The following PCDH11X variants were observed in gnomAD, a reference collection of about 807,000 sequenced individuals.
PCDH11X encodes protocadherin-11 X-linked.
Under a neutral mutation model 53.3 loss-of-function variants are expected in PCDH11X, and 18 were observed. The observed-to-expected ratio is 0.34, with a 90% CI of 0.23 to 0.50. PCDH11X has a LOEUF of 0.50. Ranked by LOEUF, PCDH11X falls within the 20% of genes least tolerant of loss-of-function variation. The pLI, the probability that PCDH11X is intolerant of heterozygous loss-of-function variation, is 0.98. For synonymous variants in PCDH11X, 279 were observed against 393.3 expected (o/e 0.71, Z 3.44); for missense variants, 570 against 1,032.4 (o/e 0.55, Z 6.14).
chrX:91,932,505 A>G (rs1307730910), intron 6 of PCDH11X, among the ~76,000 whole-genome samples: 1 of 100,236 alleles, frequency 1.0e-5, no homozygotes, highest in Non-Finnish European at 2.0e-5. Flanking sequence ...AATTCAAAAG[A>G]GAGGCCGAGA....
intron 10 of PCDH11X, among the ~76,000 whole-genome samples, chrX:92,598,955 G>A (rs1925933601): frequency 1.8e-5 from 2 of 109,745 alleles, no homozygotes; most frequent in South Asian, 7.9e-4. Context: ...AGCATTGCAT[G>A]TTCTCAATTA....
At chrX:92,141,226 T>C (rs1173573009) in intron 6 of PCDH11X, among the ~76,000 whole-genome samples, 5 of 111,726 alleles carry the variant, frequency 4.5e-5, no homozygotes, top group Non-Finnish European at 9.4e-5. Flanking sequence ...TAATCAGTAA[T>C]ATTGAATGTT....
intron 6 of PCDH11X, among the ~76,000 whole-genome samples, chrX:92,182,293 C>T (rs760703999): frequency 9.0e-5 from 10 of 111,709 alleles, no homozygotes; most frequent in East Asian, 2.8e-4. Flanking sequence ...CTGTATTTAC[C>T]GATTGCCTAT....
rs758301662 is a variant in PCDH11X, at chrX:92,230,360, T to A, written c.3114+28905T>A. Among the ~76,000 whole-genome samples the A allele has an allele frequency of 6.1e-5, 6 of 98,852 alleles. No homozygotes were observed. In the South Asian group the frequency reaches 2.6e-3, roughly 43 times the overall value. The allele number at this position is 98,852 out of a possible 115,157, so 85.8% of individuals were successfully genotyped here. A position where few individuals can be genotyped will look rare whatever the true frequency, so the allele number is the denominator to read the frequency against. ...TGGAACTCAGATTGTTTTCTCATTGTTTTATTTTTGTTTTGTATGTCTCGA... is the reference window on the plus strand; with the variant it reads ...TGGAACTCAGATTGTTTTCTCATTGATTTATTTTTGTTTTGTATGTCTCGA... On this transcript the variant is annotated intron_variant, in intron 7 of 10. Transcript: ENST00000682573.
chrX:92,146,751 C>A (rs1041007767), intron 6 of PCDH11X, among the ~76,000 whole-genome samples: 2 of 111,296 alleles, frequency 1.8e-5, no homozygotes, highest in Non-Finnish European at 3.8e-5. Context: ...ATAATCCCAG[C>A]ACTTTGGGAG....
At chrX:92,566,025 G>T (rs2750538) in intron 10 of PCDH11X, among the ~76,000 whole-genome samples, 4 of 111,038 alleles carry the variant, frequency 3.6e-5, no homozygotes, top group African/African-American at 1.3e-4. Flanking sequence ...AAATGTTAAT[G>T]TAGTGAGTCT....
intron 10 of PCDH11X, among the ~76,000 whole-genome samples, chrX:92,522,341 G>A (rs1239734321): frequency 8.9e-6 from 1 of 111,814 alleles, no homozygotes; most frequent in African/African-American, 3.3e-5. Flanking sequence ...GAAAATGGCT[G>A]GTCAGTGGAG....
chrX:92,459,780 C>T (rs1402011228), intron 9 of PCDH11X: 117 of 1,175,980 alleles, frequency 9.9e-5, no homozygotes, highest in Non-Finnish European at 1.3e-4. Context: ...TCTATGCAGG[C>T]GCCGGGGGCT....
At chrX:92,188,255 G>A (rs942666982) in intron 6 of PCDH11X, among the ~76,000 whole-genome samples, 2 of 111,103 alleles carry the variant, frequency 1.8e-5, no homozygotes, top group Admixed American at 9.6e-5. Flanking sequence ...TACATTTCTC[G>A]TTATTGATTG....
chrX:92,459,875 G>A, intron 9 of PCDH11X: 2 of 1,135,213 alleles, frequency 1.8e-6, no homozygotes, highest in Non-Finnish European at 2.4e-6. Flanking sequence ...ATGGCTGGGG[G>A]TCTGGCAGGA....
At chrX:91,881,703 T>C (rs1179728288) in intron 6 of PCDH11X, among the ~76,000 whole-genome samples, 1 of 111,616 alleles carries the variant, frequency 9.0e-6, no homozygotes, top group Non-Finnish European at 1.9e-5. Flanking sequence ...AAAGAAATTA[T>C]GTATTTAAAA....
chrX:92,259,533 T>G (rs2148410607), intron 7 of PCDH11X, among the ~76,000 whole-genome samples: 1 of 111,405 alleles, frequency 9.0e-6, no homozygotes, highest in East Asian at 2.9e-4. Context: ...AGAACTGCAC[T>G]GAGGGGATGG....
chrX:91,997,738 T>C (rs1411847646), intron 6 of PCDH11X, among the ~76,000 whole-genome samples: 1 of 111,363 alleles, frequency 9.0e-6, no homozygotes, highest in Non-Finnish European at 1.9e-5. Context: ...AAAGTGGTTT[T>C]GGAGGTGTTC....
intron 1 of PCDH11X, among the ~76,000 whole-genome samples, chrX:91,797,111 A>G (rs1264311115): frequency 9.1e-6 from 1 of 109,764 alleles, no homozygotes; most frequent in Non-Finnish European, 1.9e-5. Context: ...TTGAGGAAAC[A>G]TAAAAGTACA....
At chrX:92,606,657 A>G (rs968616072) in intron 10 of PCDH11X, among the ~76,000 whole-genome samples, 3 of 110,706 alleles carry the variant, frequency 2.7e-5, no homozygotes, top group Non-Finnish European at 5.7e-5. Context: ...AAGCAACAAC[A>G]AAAAAATACA....
chrX:91,894,898 TAG>T (rs1270378634), intron 6 of PCDH11X, among the ~76,000 whole-genome samples: 1 of 110,971 alleles, frequency 9.0e-6, no homozygotes, highest in Non-Finnish European at 1.9e-5. Context: ...TACTAACAGA[TAG>T]AGACTTGTCC....
At chrX:92,495,313 C>T (rs1218608839) in intron 10 of PCDH11X, among the ~76,000 whole-genome samples, 1 of 109,160 alleles carries the variant, frequency 9.2e-6, no homozygotes, top group Non-Finnish European at 1.9e-5. Context: ...CATGCGGCTT[C>T]ATGTGCCTGC....
intron 6 of PCDH11X, among the ~76,000 whole-genome samples, chrX:92,124,301 C>T (rs149486016): frequency 0.048 from 5,275 of 110,309 alleles, 290 homozygotes; most frequent in African/African-American, 0.15. Flanking sequence ...AATCCCAGCA[C>T]TTTGGGAGGC....
chrX:91,902,075 T>G (rs971946118), intron 6 of PCDH11X, among the ~76,000 whole-genome samples: 11 of 111,655 alleles, frequency 9.9e-5, no homozygotes, highest in African/African-American at 3.6e-4. Flanking sequence ...GAGACACATT[T>G]AAGAAGATGT....
Sources: gnomAD v4.1 joint callset for allele counts (sites outside exome capture counted in the v4.1 genomes callset) on GRCh38, gnomAD v4.1.1 for gene constraint, MANE v1.5 for transcripts, NCBI Gene and HGNC (gene_info 2026-07-23, HGNC 2026-07-21) for gene names.